DSCAM: variants seen among roughly 807,000 people sequenced by gnomAD.
The protein encoded by DSCAM is DS cell adhesion molecule.
A neutral mutation model predicts 217.7 loss-of-function variants in DSCAM; 47 were observed. That is an observed-to-expected ratio of 0.22 (90% CI 0.17 to 0.28). The LOEUF (loss-of-function observed/expected upper bound fraction) is 0.28, where lower values mean the gene tolerates loss of function less well. Ranked by LOEUF, DSCAM falls within the 10% of genes least tolerant of loss-of-function variation. DSCAM has a pLI of 1.00. For synonymous variants in DSCAM, 1,056 were observed against 1,015.3 expected (o/e 1.04, Z -0.76); for missense variants, 2,080 against 2,618.3 (o/e 0.79, Z 4.49).
At position 40,255,514 on chromosome 21, in the gene DSCAM, G is replaced by C. The variant is rs141223935; in HGVS notation, c.2356+20583C>G. Among the ~76,000 whole-genome samples the C allele has an allele frequency of 3.3e-3, 506 of 152,328 alleles. 1 individual carries two copies. The highest frequency in any genetic ancestry group is 0.011 in the African/African-American group (468 of 41,574). On this transcript the variant is annotated intron_variant, in intron 11 of 32. Transcript: ENST00000400454. ...CACAGTGAAAGGTATTCTGCTGATG[G>C]AATGAAGGTTGCTAATTAACTGATC...
chr21:40,772,753 T>A (rs1021235569), intron 1 of DSCAM, among the ~76,000 whole-genome samples: 1 of 152,224 alleles, frequency 6.6e-6, no homozygotes, highest in African/African-American at 2.4e-5. Context: ...CGTGGTTCCC[T>A]TTGTGGGTGT....
intron 10 of DSCAM, among the ~76,000 whole-genome samples, chr21:40,288,527 A>G (rs906845809): frequency 2.0e-5 from 3 of 152,196 alleles, no homozygotes; most frequent in Admixed American, 2.0e-4. Context: ...CAGACATTAA[A>G]ATAGAAGGAG....
intron 3 of DSCAM, among the ~76,000 whole-genome samples, chr21:40,644,474 C>G (rs2089919770): frequency 6.6e-6 from 1 of 152,148 alleles, no homozygotes; most frequent in Non-Finnish European, 1.5e-5. Context: ...ACAGGCCATG[C>G]CCTCACTCCT....
At chr21:40,247,251 T>C (rs2073238857) in intron 11 of DSCAM, among the ~76,000 whole-genome samples, 1 of 152,132 alleles carries the variant, frequency 6.6e-6, no homozygotes, top group South Asian at 2.1e-4. Context: ...CAAAATCTCA[T>C]GTCCTCACAT....
chr21:40,395,349 C>A, intron 3 of DSCAM, among the ~76,000 whole-genome samples: 1 of 144,610 alleles, frequency 6.9e-6, no homozygotes, highest in Admixed American at 6.8e-5. Flanking sequence ...TTTTTTTTTT[C>A]TTTTAGATCA....
chr21:40,490,173 G>A (rs1477417428), intron 3 of DSCAM, among the ~76,000 whole-genome samples: 1 of 152,074 alleles, frequency 6.6e-6, no homozygotes, highest in Non-Finnish European at 1.5e-5. Context: ...GAACAGCCCA[G>A]GAAAGACCCA....
At chr21:40,318,183 T>G (rs2074220795) in intron 8 of DSCAM, among the ~76,000 whole-genome samples, 1 of 71,710 alleles carries the variant, frequency 1.4e-5, no homozygotes. Context: ...TGGGTACTGT[T>G]GTGGGGTGGG....
At chr21:40,294,202 A>G (rs767913438) in intron 10 of DSCAM, among the ~76,000 whole-genome samples, 3 of 152,222 alleles carry the variant, frequency 2.0e-5, no homozygotes, top group Non-Finnish European at 2.9e-5. Context: ...AACATCCAAG[A>G]CAGACAAAGT....
chr21:40,373,584 C>T (rs749938599), intron 3 of DSCAM, among the ~76,000 whole-genome samples: 2 of 152,154 alleles, frequency 1.3e-5, no homozygotes, highest in Non-Finnish European at 2.9e-5. Flanking sequence ...TATCCCCATA[C>T]CTGCTTTTAT....
chr21:40,394,731 T>C (rs1415155231), intron 3 of DSCAM, among the ~76,000 whole-genome samples: 1 of 152,168 alleles, frequency 6.6e-6, no homozygotes, highest in East Asian at 1.9e-4. Context: ...GCTGAGGTTT[T>C]GGATAATGGA....
chr21:40,608,282 A>AAATT (rs1646023724), intron 3 of DSCAM, among the ~76,000 whole-genome samples: 1 of 152,258 alleles, frequency 6.6e-6, no homozygotes, highest in Admixed American at 6.5e-5. Context: ...TTAGGGATAA[A>AAATT]AATTAATATT....
chr21:40,170,213 G>A (rs2090641192), intron 15 of DSCAM, among the ~76,000 whole-genome samples: 1 of 152,182 alleles, frequency 6.6e-6, no homozygotes, highest in East Asian at 1.9e-4. Context: ...GCCCATGCCT[G>A]TGAGCCTCCC....
At chr21:40,119,309 G>A (rs1474856846) in intron 20 of DSCAM, among the ~76,000 whole-genome samples, 3 of 152,166 alleles carry the variant, frequency 2.0e-5, no homozygotes, top group Admixed American at 1.3e-4. Context: ...TAGCTTGAAG[G>A]CTTCTGGTCA....
intron 16 of DSCAM, among the ~76,000 whole-genome samples, chr21:40,149,618 A>G (rs1297997087): frequency 6.9e-6 from 1 of 145,590 alleles, no homozygotes; most frequent in Non-Finnish European, 1.5e-5. Context: ...TCGCTCCATC[A>G]CTATCCCAAC....
intron 3 of DSCAM, among the ~76,000 whole-genome samples, chr21:40,473,805 A>C (rs1424665300): frequency 1.3e-5 from 2 of 152,188 alleles, no homozygotes; most frequent in South Asian, 2.1e-4. Flanking sequence ...ACACAGACAC[A>C]CACGGAGGAC....
At chr21:40,813,257 C>CTAA (rs963935181) in intron 1 of DSCAM, among the ~76,000 whole-genome samples, 4 of 152,122 alleles carry the variant, frequency 2.6e-5, no homozygotes, top group African/African-American at 9.7e-5. Context: ...TCTCTCTGAC[C>CTAA]TAAAAACCAT....
At chr21:40,645,994 A>G (rs971884562) in intron 3 of DSCAM, among the ~76,000 whole-genome samples, 1 of 152,200 alleles carries the variant, frequency 6.6e-6, no homozygotes, top group African/African-American at 2.4e-5. Context: ...CACTAAATGA[A>G]AAGATACCGT....
At chr21:40,438,353 G>T (rs2075601867) in intron 3 of DSCAM, among the ~76,000 whole-genome samples, 2 of 152,196 alleles carry the variant, frequency 1.3e-5, no homozygotes, top group Admixed American at 6.5e-5. Flanking sequence ...TATCTTGGAG[G>T]TCTAGAACAG....
chr21:40,735,963 G>C (rs749250665), intron 1 of DSCAM, among the ~76,000 whole-genome samples: 1 of 151,994 alleles, frequency 6.6e-6, no homozygotes. Flanking sequence ...GATGCCAGGT[G>C]CAAGTAGCTC....
Sources: gnomAD v4.1 joint callset for allele counts (sites outside exome capture counted in the v4.1 genomes callset) on GRCh38, gnomAD v4.1.1 for gene constraint, MANE v1.5 for transcripts, NCBI Gene and HGNC (gene_info 2026-07-23, HGNC 2026-07-21) for gene names.